The following SPIDR variants were observed in gnomAD, a reference collection of about 807,000 sequenced individuals.
SPIDR encodes the protein scaffold protein involved in DNA repair.
In SPIDR, 93 loss-of-function variants were observed where a neutral mutation model predicts 104.6. The ratio of observed to expected loss-of-function variants is 0.89; its 90% CI spans 0.75 to 1.06. SPIDR has a LOEUF of 1.06. Ranked by LOEUF, SPIDR falls within the 50% of genes least tolerant of loss-of-function variation. SPIDR has a pLI of 0.00. For synonymous variants in SPIDR, 431 were observed against 416.9 expected (o/e 1.03, Z -0.41); for missense variants, 1,154 against 1,111.2 (o/e 1.04, Z -0.55).
At chr8:47,267,614 C>CT (rs1443375300) in intron 1 of SPIDR, among the ~76,000 whole-genome samples, 13 of 152,324 alleles carry the variant, frequency 8.5e-5, no homozygotes, top group African/African-American at 2.6e-4. Flanking sequence ...GATTGAGCAT[C>CT]TTTTCATGTA....
Position 47,530,265 on chromosome 8 carries a change from C to G in SPIDR, c.1098-65546C>G, listed in dbSNP as rs564568840. Among the ~76,000 whole-genome samples, 4 of 152,052 alleles carry G rather than the reference C, an allele frequency of 2.6e-5. No homozygotes were observed. In the South Asian group the frequency reaches 8.3e-4, roughly 32 times the overall value. ...GGCAGATAACTTGAGGCCAGGAGTT[C>G]CAGACCAGCCTGGCCAAAATGGTGA... On this transcript the variant is annotated intron_variant, in intron 8 of 19. Coordinates refer to ENST00000297423, the MANE Select transcript of SPIDR (RefSeq NM_001080394.4).
chr8:47,273,045 G>A (rs994882212), intron 1 of SPIDR, among the ~76,000 whole-genome samples: 1 of 152,170 alleles, frequency 6.6e-6, no homozygotes, highest in Non-Finnish European at 1.5e-5. Context: ...TGTGTGGGGT[G>A]TTTTATCCTG....
intron 8 of SPIDR, among the ~76,000 whole-genome samples, chr8:47,517,312 C>G (rs2154378847): frequency 6.6e-6 from 1 of 152,126 alleles, no homozygotes; most frequent in Admixed American, 6.5e-5. Flanking sequence ...CTGAAATACC[C>G]CCACTTAAAA....
chr8:47,275,371 T>C (rs1490293102), intron 1 of SPIDR, among the ~76,000 whole-genome samples: 1 of 152,204 alleles, frequency 6.6e-6, no homozygotes, highest in Non-Finnish European at 1.5e-5. Context: ...CCCGTTTTTA[T>C]ACAACTGCTT....
At chr8:47,314,153 T>C (rs2044792601) in intron 5 of SPIDR, among the ~76,000 whole-genome samples, 1 of 152,226 alleles carries the variant, frequency 6.6e-6, no homozygotes, top group Admixed American at 6.5e-5. Context: ...GCTGTGTGCT[T>C]ACTGTGGTCT....
intron 10 of SPIDR, among the ~76,000 whole-genome samples, chr8:47,626,487 C>T (rs1441822983): frequency 3.3e-5 from 5 of 152,202 alleles, no homozygotes; most frequent in African/African-American, 4.8e-5. Context: ...ACAACCTACT[C>T]ATCTGACAAA....
chr8:47,399,910 GGGCGCCCAGAGTTGAGCCGCTGGA>G (rs2061662205), intron 6 of SPIDR, among the ~76,000 whole-genome samples: 1 of 152,148 alleles, frequency 6.6e-6, no homozygotes, highest in Non-Finnish European at 1.5e-5. Flanking sequence ...TAACGATGAC[GGGCGCCCAGAGTTGAGCCGCTGGA>G]GGGAGGCAGT....
chr8:47,597,633 C>G (rs759892683), intron 9 of SPIDR, among the ~76,000 whole-genome samples: 24 of 152,124 alleles, frequency 1.6e-4, no homozygotes, highest in Admixed American at 3.9e-4. Context: ...TTTTAAAGCC[C>G]TCCTTTATTT....
intron 7 of SPIDR, among the ~76,000 whole-genome samples, chr8:47,409,834 G>A (rs868974957): frequency 1.3e-5 from 2 of 152,204 alleles, no homozygotes; most frequent in Non-Finnish European, 2.9e-5. Flanking sequence ...TTCAAGGCCA[G>A]CCTGAGCAAT....
chr8:47,516,166 T>A (rs1403020376), intron 8 of SPIDR, among the ~76,000 whole-genome samples: 1 of 152,144 alleles, frequency 6.6e-6, no homozygotes, highest in Non-Finnish European at 1.5e-5. Flanking sequence ...GTCTTGAATG[T>A]CTGGGCTCAA....
intron 8 of SPIDR, among the ~76,000 whole-genome samples, chr8:47,595,236 G>A (rs1405402401): frequency 1.3e-5 from 2 of 152,116 alleles, no homozygotes; most frequent in African/African-American, 4.8e-5. Context: ...ATTAAGCAGC[G>A]CCATGTTTTA....
At position 47,368,343 on chromosome 8, in the gene SPIDR, C is replaced by CAAA. The variant is rs34106189; in HGVS notation, c.526-27994_526-27992dup. Among the ~76,000 whole-genome samples the CAAA allele has an allele frequency of 8.9e-4, 44 of 49,422 alleles. 9 individuals are homozygous for CAAA. The highest frequency in any genetic ancestry group is 2.3e-3 in the African/African-American group (23 of 9,836). The allele number at this position is 49,422 out of a possible 152,430, so 32.4% of individuals were successfully genotyped here. ...ACAGAGTCAGAAGGAGTTGAGAAGT[C>CAAA]AAAAAAAAAAAAAAAAAAAAAAAAA... On this transcript the variant is annotated intron_variant, in intron 5 of 19. Transcript: ENST00000297423.
intron 8 of SPIDR, among the ~76,000 whole-genome samples, chr8:47,489,818 G>A (rs1424078383): frequency 6.6e-6 from 1 of 152,148 alleles, no homozygotes. Flanking sequence ...GCTGAAACTG[G>A]ATCCCTTCCT....
intron 4 of SPIDR, among the ~76,000 whole-genome samples, chr8:47,293,645 A>G (rs374939138): frequency 0.089 from 13,600 of 152,134 alleles, 783 homozygotes; most frequent in African/African-American, 0.17. Context: ...ACAGCATTTC[A>G]TCTTGTTGGC....
chr8:47,473,317 TTTC>T (rs1246476343), intron 8 of SPIDR, among the ~76,000 whole-genome samples: 3 of 152,206 alleles, frequency 2.0e-5, no homozygotes. Flanking sequence ...TCCAGCTTGT[TTTC>T]TTTTTTCAAC....
At chr8:47,600,893 C>T (rs998243541) in intron 10 of SPIDR, among the ~76,000 whole-genome samples, 3 of 152,148 alleles carry the variant, frequency 2.0e-5, no homozygotes, top group East Asian at 3.8e-4. Context: ...ATCACCCTGA[C>T]GAGAAAGAAC....
chr8:47,340,725 G>A (rs1307813032), intron 5 of SPIDR, among the ~76,000 whole-genome samples: 1 of 152,124 alleles, frequency 6.6e-6, no homozygotes, highest in Admixed American at 6.6e-5. Context: ...TAGAAGGCTG[G>A]GCCTTCAGCC....
intron 10 of SPIDR, among the ~76,000 whole-genome samples, chr8:47,608,723 T>C (rs944048858): frequency 2.6e-5 from 4 of 152,204 alleles, no homozygotes; most frequent in African/African-American, 9.7e-5. Context: ...ATCTTTTCTT[T>C]TTTTTATTTT....
chr8:47,367,915 G>T (rs1371935014), intron 5 of SPIDR, among the ~76,000 whole-genome samples: 1 of 152,196 alleles, frequency 6.6e-6, no homozygotes, highest in Non-Finnish European at 1.5e-5. Context: ...AGCCAAATTA[G>T]AAATTGTAGG....
Sources: gnomAD v4.1 joint callset for allele counts (sites outside exome capture counted in the v4.1 genomes callset) on GRCh38, gnomAD v4.1.1 for gene constraint, MANE v1.5 for transcripts, NCBI Gene and HGNC (gene_info 2026-07-23, HGNC 2026-07-21) for gene names.